DPP6: variants seen among roughly 807,000 people sequenced by gnomAD.
The protein encoded by DPP6 is dipeptidyl peptidase like 6.
Under a neutral mutation model 122.6 loss-of-function variants are expected in DPP6, and 69 were observed. That is an observed-to-expected ratio of 0.56 (90% CI 0.46 to 0.69). DPP6 has a LOEUF of 0.69. Ranked by LOEUF, DPP6 falls within the 30% of genes least tolerant of loss-of-function variation. The pLI is 0.00. For missense variants in DPP6, 928 were observed against 1,116.9 expected, an observed-to-expected ratio of 0.83 and a Z score of 2.41; for synonymous variants, 418 against 433.1, an observed-to-expected ratio of 0.97 and a Z score of 0.43.
intron 1 of DPP6, among the ~76,000 whole-genome samples, chr7:154,041,550 G>T (rs1799765846): frequency 6.6e-6 from 1 of 152,200 alleles, no homozygotes; most frequent in Non-Finnish European, 1.5e-5. Context: ...TGGTGCAAGA[G>T]CCAGGCAGTG....
intron 8 of DPP6, among the ~76,000 whole-genome samples, chr7:154,754,333 C>T (rs1385418393): frequency 6.6e-6 from 1 of 152,150 alleles, no homozygotes; most frequent in East Asian, 1.9e-4. Flanking sequence ...AAAATTCTAA[C>T]TTTCAGATGA....
Position 154,080,307 on chromosome 7 carries a change from T to C in DPP6, c.243+27244T>C, listed in dbSNP as rs1402540511. Among the ~76,000 whole-genome samples, 7 of 152,228 alleles carry C rather than the reference T, an allele frequency of 4.6e-5. No individual in the cohort carries two copies. The East Asian group carries it at 1.4e-3, about 30-fold the overall frequency. On this transcript the variant is annotated intron_variant, in intron 1 of 25. Transcript: ENST00000377770. ...CTCCCAGGTTCCTACTTAATCAGCATCCAAGATCAAGGTGTGGAGTTGACA... is the reference window on the plus strand; with the variant it reads ...CTCCCAGGTTCCTACTTAATCAGCACCCAAGATCAAGGTGTGGAGTTGACA...
chr7:153,756,947 G>A, the DPP6 span, among the ~76,000 whole-genome samples: 5 of 152,184 alleles, frequency 3.3e-5, no homozygotes, highest in South Asian at 1.0e-3. Flanking sequence ...AGTAGTAACT[G>A]TTTTTTCTGG....
At chr7:153,772,958 TATATA>T in the DPP6 span, among the ~76,000 whole-genome samples, 1 of 103,560 alleles carries the variant, frequency 9.7e-6, no homozygotes, top group African/African-American at 4.2e-5. Flanking sequence ...TATATAATAA[TATATA>T]AAAGAAAAGA....
chr7:154,455,221 G>A (rs897623148), intron 2 of DPP6, among the ~76,000 whole-genome samples: 4 of 152,172 alleles, frequency 2.6e-5, no homozygotes, highest in South Asian at 4.2e-4. Context: ...AGTTCCTTTC[G>A]GTTCCCCGGA....
In DPP6 at chr7:154,471,534, T is replaced by G. The variant is rs151069697; in HGVS notation, c.359-3405T>G. 3.4e-4 allele frequency among the ~76,000 whole-genome samples: 51 copies of G among 151,728 alleles called. No homozygotes were observed. The East Asian group carries it at 1.0e-2, about 30-fold the overall frequency. On this transcript the variant is annotated intron_variant, in intron 2 of 25. Coordinates refer to ENST00000377770, the MANE Select transcript of DPP6 (RefSeq NM_130797.4). ...GAAGGCCTCAGATCACATCACCCAT[T>G]TGGGGGAAAGGGCTCCAGCCTAAAT...
rs73167372 is a variant in DPP6 at position 154,386,350 on chromosome 7, G to T, written c.244-59864G>T. On this transcript the variant is annotated intron_variant, in intron 1 of 25. Transcript: ENST00000377770. ...TCTGTCTTCTCCATGAGTAGGAGGA[G>T]GTCACTTGGATCGAGAACATTCAGA... Among the ~76,000 whole-genome samples, 671 of 152,022 alleles carry T rather than the reference G, an allele frequency of 4.4e-3. 1 individual carries two copies. The highest frequency in any genetic ancestry group is 7.7e-3 in the Non-Finnish European group (521 of 68,000).
chr7:154,784,105 C>T lies in DPP6; in HGVS notation c.1137-9974C>T, dbSNP rs969826496. On this transcript the variant is annotated intron_variant, in intron 10 of 25. Coordinates refer to ENST00000377770, the MANE Select transcript of DPP6 (RefSeq NM_130797.4). The stretch of plus-strand genomic sequence containing the variant: ...TTGGAGAAGGTTGCTGCAAGGGGTC[C>T]TGTGTGTTTCATTGCCTGTGAGCCT... 3.9e-5 allele frequency among the ~76,000 whole-genome samples: 6 copies of T among 152,108 alleles called. No homozygotes were observed. In the East Asian group the frequency reaches 1.2e-3, roughly 29 times the overall value.
chr7:154,691,119 T>A (rs917258645), intron 7 of DPP6, among the ~76,000 whole-genome samples: 28 of 152,204 alleles, frequency 1.8e-4, no homozygotes, highest in Non-Finnish European at 2.9e-5. Context: ...TTTTTCTCCA[T>A]ACAATGTACG....
intron 1 of DPP6, among the ~76,000 whole-genome samples, chr7:153,918,993 A>G (rs902504551): frequency 3.3e-5 from 5 of 151,576 alleles, no homozygotes; most frequent in East Asian, 3.9e-4. Context: ...AAAAAAAAAA[A>G]AAAAGAAAAT....
At chr7:154,069,975 C>A (rs551185020) in intron 1 of DPP6, among the ~76,000 whole-genome samples, 2 of 148,204 alleles carry the variant, frequency 1.3e-5, no homozygotes, top group Middle Eastern at 3.4e-3. Flanking sequence ...TGGCGTGAAC[C>A]CGGGAGGCGG....
At chr7:154,706,425 T>A (rs10261505) in intron 7 of DPP6, among the ~76,000 whole-genome samples, 6 of 151,938 alleles carry the variant, frequency 3.9e-5, no homozygotes, top group Admixed American at 2.0e-4. Flanking sequence ...CTGTTGGCAC[T>A]TTTTAAACTT....
At chr7:154,852,383 A>C (rs1802469853) in intron 16 of DPP6, among the ~76,000 whole-genome samples, 6 of 152,060 alleles carry the variant, frequency 3.9e-5, no homozygotes, top group South Asian at 4.2e-4. Context: ...CCCACAGTGC[A>C]TCTGTCTCCC....
chr7:154,249,173 A>G (rs1243079411), intron 1 of DPP6, among the ~76,000 whole-genome samples: 4 of 152,256 alleles, frequency 2.6e-5, no homozygotes, highest in Non-Finnish European at 4.4e-5. Context: ...GGTGTTCATC[A>G]GGAAACTAAT....
At chr7:154,236,720 A>C (rs1192473180) in intron 1 of DPP6, among the ~76,000 whole-genome samples, 1 of 152,124 alleles carries the variant, frequency 6.6e-6, no homozygotes, top group East Asian at 1.9e-4. Flanking sequence ...CTGTAGCCAT[A>C]TGTGTTTCCC....
the DPP6 span, among the ~76,000 whole-genome samples, chr7:153,834,982 G>T: frequency 6.6e-6 from 1 of 152,180 alleles, no homozygotes; most frequent in Non-Finnish European, 1.5e-5. Context: ...TATTAAGAGA[G>T]AAGTAAGCAA....
intron 2 of DPP6, among the ~76,000 whole-genome samples, 172 bp downstream of exon 2, chr7:154,446,500 A>G (rs1363853124): frequency 2.0e-5 from 3 of 152,204 alleles, no homozygotes; most frequent in Admixed American, 1.3e-4. Flanking sequence ...TTCATTTTAT[A>G]TGTTTTGGAT....
chr7:154,536,260 A>C (rs1485839619), intron 3 of DPP6, among the ~76,000 whole-genome samples: 1 of 152,144 alleles, frequency 6.6e-6, no homozygotes, highest in Non-Finnish European at 1.5e-5. Flanking sequence ...ATAATGACAA[A>C]ACAGAGCACT....
At chr7:153,875,387 A>C in the DPP6 span, among the ~76,000 whole-genome samples, 1 of 152,186 alleles carries the variant, frequency 6.6e-6, no homozygotes. Flanking sequence ...ACATAATCAC[A>C]GATGAAAATA....
Sources: gnomAD v4.1 joint callset for allele counts (sites outside exome capture counted in the v4.1 genomes callset) on GRCh38, gnomAD v4.1.1 for gene constraint, MANE v1.5 for transcripts, NCBI Gene and HGNC (gene_info 2026-07-23, HGNC 2026-07-21) for gene names.